Variants in GNG2 observed in about 807,000 individuals in gnomAD.
GNG2 encodes guanine nucleotide-binding protein G(I)/G(S)/G(O) subunit gamma-2.
In GNG2, 5 loss-of-function variants were observed where a neutral mutation model predicts 5.5. The ratio of observed to expected loss-of-function variants is 0.91; its 90% CI spans 0.48 to 1.92. GNG2 has a LOEUF of 1.92. GNG2 is among the 30% of genes most tolerant of loss of function. The probability of loss-of-function intolerance (pLI) is 0.01; values close to 1 mark genes in which losing one functional copy is unlikely to be tolerated. For missense variants in GNG2, 55 were observed against 88.4 expected, an observed-to-expected ratio of 0.62 and a Z score of 1.52; for synonymous variants, 28 against 32.0, an observed-to-expected ratio of 0.88 and a Z score of 0.42.
rs577828405 is a variant in GNG2, at chr14:51,898,637, T to C, written c.-30+20980T>C. Among the ~76,000 whole-genome samples, 6 of 152,284 alleles carry C rather than the reference T, an allele frequency of 3.9e-5. 1 individual carries two copies. The South Asian group carries it at 1.2e-3, about 32-fold the overall frequency. ...GCTCTTTGTCTGAATTAAAAATAACTAAAAATGGTACAATGTGCACTGAAC... is the reference window on the plus strand; with the variant it reads ...GCTCTTTGTCTGAATTAAAAATAACCAAAAATGGTACAATGTGCACTGAAC... On this transcript the variant is annotated intron_variant, in intron 2 of 3. Transcript: ENST00000556766.
chr14:51,965,751 A>C (rs1456707239), intron 3 of GNG2, among the ~76,000 whole-genome samples: 1 of 152,212 alleles, frequency 6.6e-6, no homozygotes, highest in Non-Finnish European at 1.5e-5. Flanking sequence ...CATCCCTAGC[A>C]CAATTCCTGA....
chr14:51,870,563 A>G (rs1321195356), intron 1 of GNG2, among the ~76,000 whole-genome samples: 1 of 152,266 alleles, frequency 6.6e-6, no homozygotes, highest in Non-Finnish European at 1.5e-5. Context: ...GACGCCAAGC[A>G]TTCTGTGTAT....
At chr14:51,942,688 TA>T (rs1194637127) in intron 2 of GNG2, among the ~76,000 whole-genome samples, 1 of 149,074 alleles carries the variant, frequency 6.7e-6, no homozygotes, top group African/African-American at 2.5e-5. Context: ...CGCCCCCAAG[TA>T]GCTGGGATAC....
At chr14:51,859,515 A>G (rs185530750), upstream of GNG2, among the ~76,000 whole-genome samples, 1 of 152,350 alleles carries the variant, frequency 6.6e-6, no homozygotes, top group East Asian at 1.9e-4. Flanking sequence ...ATATGTGCCG[A>G]ATACGTCCTA....
At chr14:51,889,688 A>G (rs1368340196) in intron 2 of GNG2, among the ~76,000 whole-genome samples, 1 of 152,210 alleles carries the variant, frequency 6.6e-6, no homozygotes, top group African/African-American at 2.4e-5. Flanking sequence ...CTGCACCTAT[A>G]TTTCCAGGTG....
chr14:51,965,905 T>C (rs1889862984), intron 3 of GNG2, among the ~76,000 whole-genome samples: 2 of 151,850 alleles, frequency 1.3e-5, no homozygotes, highest in Admixed American at 6.6e-5. Context: ...CAATGAGATA[T>C]CGGAGCACAA....
At chr14:51,832,846 A>C (rs1324251331) in intron 2 of GNG2, among the ~76,000 whole-genome samples, 1 of 152,208 alleles carries the variant, frequency 6.6e-6, no homozygotes, top group Non-Finnish European at 1.5e-5. Context: ...TTCAATATAC[A>C]AATTAAGGGG....
intron 2 of GNG2, among the ~76,000 whole-genome samples, chr14:51,924,478 T>C (rs1193916015): frequency 3.3e-5 from 5 of 152,214 alleles, no homozygotes; most frequent in Non-Finnish European, 7.3e-5. Context: ...CAATATGTGT[T>C]ACCTCAGTGA....
chr14:51,928,012 TTC>T (rs1251065426), intron 2 of GNG2, among the ~76,000 whole-genome samples: 7 of 144,874 alleles, frequency 4.8e-5, no homozygotes, highest in Admixed American at 1.4e-4. Context: ...GTATTTGCCT[TTC>T]TCTCTCTCTC....
At chr14:51,952,847 A>G (rs1889069484) in intron 3 of GNG2, among the ~76,000 whole-genome samples, 1 of 152,192 alleles carries the variant, frequency 6.6e-6, no homozygotes, top group Non-Finnish European at 1.5e-5. Context: ...TTCCAAATAT[A>G]ATGTTCTAAA....
intron 2 of GNG2, among the ~76,000 whole-genome samples, chr14:51,933,312 G>C (rs945470644): frequency 1.3e-5 from 2 of 152,166 alleles, no homozygotes; most frequent in Admixed American, 6.5e-5. Flanking sequence ...CTGGTGACTT[G>C]GACAAATGTC....
intron 2 of GNG2, among the ~76,000 whole-genome samples, chr14:51,838,439 G>C (rs959829421): frequency 5.0e-5 from 7 of 139,034 alleles, no homozygotes; most frequent in African/African-American, 2.1e-4. Context: ...GCGAGACTCT[G>C]TCTCAAAAAA....
At chr14:51,914,141 G>C in intron 2 of GNG2, 1 of 670,378 alleles carries the variant, frequency 1.5e-6, no homozygotes, top group East Asian at 2.7e-5. Context: ...TCTTGTTTTT[G>C]GGGGAATGGA....
At chr14:51,948,425 G>A (rs952017880) in intron 2 of GNG2, among the ~76,000 whole-genome samples, 1 of 152,198 alleles carries the variant, frequency 6.6e-6, no homozygotes, top group Non-Finnish European at 1.5e-5. Context: ...CTGCATTCCA[G>A]CCAGATGAAT....
chr14:51,838,070 C>G (rs761002474), intron 2 of GNG2, among the ~76,000 whole-genome samples: 6 of 152,024 alleles, frequency 3.9e-5, no homozygotes, highest in Admixed American at 3.9e-4. Flanking sequence ...AAAAGACTTG[C>G]TAATTTCCAA....
At chr14:51,952,594 G>A (rs1016166373) in intron 3 of GNG2, among the ~76,000 whole-genome samples, 1 of 152,196 alleles carries the variant, frequency 6.6e-6, no homozygotes, top group South Asian at 2.1e-4. Flanking sequence ...AAGCTTTACT[G>A]TGGTTGATGT....
At chr14:51,841,758 T>C (rs532960931) in intron 2 of GNG2, among the ~76,000 whole-genome samples, 1 of 152,280 alleles carries the variant, frequency 6.6e-6, no homozygotes, top group African/African-American at 2.4e-5. Flanking sequence ...TAGAGGTAGG[T>C]ATAGATACAA....
chr14:51,931,182 C>T lies in GNG2; in HGVS notation c.-29-19468C>T, dbSNP rs543358681. Reference sequence around the variant, plus strand: ...CCAGGCTAGTGTGATAGCAGTAGAACGAGGATAAGGGGTTGGATTCTGATT... The same window carrying T: ...CCAGGCTAGTGTGATAGCAGTAGAATGAGGATAAGGGGTTGGATTCTGATT... On this transcript the variant is annotated intron_variant, in intron 2 of 3. Transcript: ENST00000556766. 1.3e-4 allele frequency among the ~76,000 whole-genome samples: 20 copies of T among 152,104 alleles called. No homozygotes were observed. In the South Asian group the frequency reaches 4.0e-3, roughly 30 times the overall value.
At chr14:51,919,521 G>T (rs183144823) in intron 2 of GNG2, among the ~76,000 whole-genome samples, 118 of 152,300 alleles carry the variant, frequency 7.7e-4, no homozygotes, top group African/African-American at 2.7e-3. Flanking sequence ...GTTACCCTCA[G>T]AATTTAAAAG....
Sources: gnomAD v4.1 joint callset for allele counts (sites outside exome capture counted in the v4.1 genomes callset) on GRCh38, gnomAD v4.1.1 for gene constraint, MANE v1.5 for transcripts, NCBI Gene and HGNC (gene_info 2026-07-23, HGNC 2026-07-21) for gene names.